Variants in FSIP2 observed in about 807,000 individuals in gnomAD.
The protein encoded by FSIP2 is fibrous sheath-interacting protein 2.
Under a neutral mutation model 510.5 loss-of-function variants are expected in FSIP2, and 367 were observed. That is an observed-to-expected ratio of 0.72 (90% CI 0.66 to 0.78). The LOEUF (loss-of-function observed/expected upper bound fraction) is 0.78, where lower values mean the gene tolerates loss of function less well. Among genes scored for constraint, FSIP2 ranks in the 30% least tolerant of loss-of-function variants. The pLI is 0.00. For synonymous variants in FSIP2, 2,601 were observed against 2,732.2 expected (o/e 0.95, Z 1.50); for missense variants, 7,594 against 7,901.7 (o/e 0.96, Z 1.48).
In FSIP2 at chr2:185,828,144, T is replaced by A. The variant is rs187660620; in HGVS notation, c.20474-12T>A. 2,429 of 1,506,178 alleles carry A rather than the reference T, an allele frequency of 1.6e-3. 13 individuals are homozygous for A. The highest frequency in any genetic ancestry group is 8.4e-3 in the Middle Eastern group (48 of 5,744). The allele number at this position is 1,506,178 out of a possible 1,614,324, so 93.3% of individuals were successfully genotyped here. On this transcript the variant is annotated splice_polypyrimidine_tract_variant and intron_variant, in intron 20 of 22. Coordinates refer to ENST00000424728, the MANE Select transcript of FSIP2 (RefSeq NM_173651.4). Reference sequence around the variant, plus strand: ...AGAGACTATTTTACTTTTTTTTTTTTAATCTCTACAGAAAGTTCTCAGGAA... The same window carrying A: ...AGAGACTATTTTACTTTTTTTTTTTAAATCTCTACAGAAAGTTCTCAGGAA...
At chr2:185,741,829 T>G (rs1019623458) in intron 2 of FSIP2, among the ~76,000 whole-genome samples, 9 of 152,186 alleles carry the variant, frequency 5.9e-5, no homozygotes, top group South Asian at 2.1e-4. Flanking sequence ...CTCATCTACC[T>G]TTTACCCATA....
At chr2:185,823,742 C>T (rs1053260619) in intron 19 of FSIP2, among the ~76,000 whole-genome samples, 1 of 151,636 alleles carries the variant, frequency 6.6e-6, no homozygotes, top group Admixed American at 6.6e-5. Context: ...CTTCTGTGTA[C>T]ATATTCAAAA....
intron 2 of FSIP2, among the ~76,000 whole-genome samples, chr2:185,739,742 TC>T (rs1691884492): frequency 6.6e-6 from 1 of 152,164 alleles, no homozygotes; most frequent in South Asian, 2.1e-4. Flanking sequence ...TAATAAAACT[TC>T]ATATATACTT....
chr2:185,762,058 G>A (rs1377406205), intron 11 of FSIP2, 41 bp downstream of exon 11: 3 of 898,150 alleles, frequency 3.3e-6, no homozygotes, highest in South Asian at 1.5e-5. Flanking sequence ...CTGTTATTAG[G>A]CATGCAATTA....
intron 9 of FSIP2, among the ~76,000 whole-genome samples, chr2:185,757,915 A>G (rs1692273172): frequency 6.6e-6 from 1 of 150,894 alleles, no homozygotes; most frequent in Non-Finnish European, 1.5e-5. Context: ...CATTCCAGAA[A>G]TCTCCCTCAT....
At chr2:185,764,140 T>A (rs1251743880) in intron 12 of FSIP2, among the ~76,000 whole-genome samples, 2 of 151,674 alleles carry the variant, frequency 1.3e-5, no homozygotes, top group Non-Finnish European at 3.0e-5. Flanking sequence ...CTGACCTTTT[T>A]AGGGTAATGT....
In FSIP2 at chr2:185,805,829, C is replaced by T. The variant is rs754976290; in HGVS notation, c.16523C>T (p.Ser5508Leu). Residue 5508 changes from serine to leucine, a missense_variant, in exon 17 of 23, where the codon TCA becomes TTA. By Grantham distance (145) the Ser-to-Leu change is moderately radical. Transcript: ENST00000424728. ...AAAAGCGGCATGATTAACCTAACAT[C>T]AGGGTTGGCTACAGGTGTGACAAAT... is the stretch of plus-strand genomic sequence containing the variant. ...IMKSGMINLT[S>L]GLATGVTNKK... The T allele has an allele frequency of 4.4e-6, 7 of 1,606,422 alleles. No homozygotes were observed. The Admixed American group carries it at 1.0e-4, about 24-fold the overall frequency.
intron 13 of FSIP2, among the ~76,000 whole-genome samples, chr2:185,780,277 A>G (rs1362475975): frequency 1.3e-5 from 2 of 151,488 alleles, no homozygotes; most frequent in South Asian, 2.1e-4. Context: ...CATTTTCGTT[A>G]TTATCTTCTT....
chr2:185,795,083 G>A lies in FSIP2; in HGVS notation c.7947G>A (p.Lys2649=), dbSNP rs1197171565. 3 of 1,534,730 alleles carry A rather than the reference G, an allele frequency of 2.0e-6. No individual in the cohort carries two copies. In the Admixed American group the frequency reaches 5.9e-5, roughly 30 times the overall value. ...CAAATTTTGTCTCACTTCCTTTAAA[G>A]GTGAGCCCTAAGGACAACCCTAAGC... ...KITNFVSLPL[K]VSPKDNPKPC... is the part of the protein sequence containing the mutation. The change falls in exon 16 of 23, where the codon AAG becomes AAA. Residue 2649 remains lysine (K), a synonymous_variant. Transcript: ENST00000424728.
In FSIP2 at chr2:185,766,632, C is replaced by T. The variant is rs1435079417; in HGVS notation, c.1411+2067C>T. 1.8e-3 allele frequency: 276 copies of T among 150,926 alleles called. 2 individuals are homozygous for T. Among genetic ancestry groups the T allele is most frequent in the African/African-American group, 6.5e-3 (267 of 41,218 alleles). 9.3% of individuals were successfully genotyped at this position (150,926 alleles called of 1,614,324 possible). ...ACCACAATGAGATACCATCTCACAC[C>T]AGTTAGAATGGCAAGCATTAAAAAG... On this transcript the variant is annotated intron_variant, in intron 13 of 22. Transcript: ENST00000424728.
rs1693251319 is a variant in FSIP2 at position 185,795,653 on chromosome 2, ATTGT to A, written c.8521_8524del (p.Phe2841ThrfsTer18). 1.3e-6 allele frequency: 2 copies of A among 1,534,378 alleles called. No homozygotes were observed. Among genetic ancestry groups the A allele is most frequent in the Non-Finnish European group, 8.7e-7 (1 of 1,145,722 alleles). ...TTCCTAGAGAAGGTATATTTAAAAA[ATTGT>A]TTGACAAGTGGCAAACAGAATCAAA... On this transcript the variant is annotated frameshift_variant, in exon 16 of 23. Coordinates refer to ENST00000424728, the MANE Select transcript of FSIP2 (RefSeq NM_173651.4). LOFTEE classifies it high-confidence loss of function.
At chr2:185,746,100 A>G (rs11903585) in intron 5 of FSIP2, among the ~76,000 whole-genome samples, 82,674 of 151,772 alleles carry the variant, frequency 0.54, 22,769 homozygotes, top group South Asian at 0.64. Flanking sequence ...CTAGGGATGC[A>G]GTAAGGAATT....
chr2:185,745,124 T>A (rs1000432424), intron 4 of FSIP2: 1 of 177,606 alleles, frequency 5.6e-6, no homozygotes, highest in East Asian at 1.5e-4. Context: ...AAGACTTTAA[T>A]ATATTTCTAA....
chr2:185,754,338 T>G (rs915324471), intron 8 of FSIP2, among the ~76,000 whole-genome samples: 9 of 151,558 alleles, frequency 5.9e-5, no homozygotes, highest in Admixed American at 2.0e-4. Context: ...TTACAATGGG[T>G]TTTTCGCTTC....
chr2:185,798,509 C>T (rs1403324562), intron 16 of FSIP2, among the ~76,000 whole-genome samples: 3 of 151,714 alleles, frequency 2.0e-5, no homozygotes, highest in Non-Finnish European at 2.9e-5. Flanking sequence ...TACTATAATA[C>T]CCCAGATCTA....
At chr2:185,788,594 G>A in intron 15 of FSIP2, 49 bp from the exon 16 acceptor site, 1 of 1,300,772 alleles carries the variant, frequency 7.7e-7, no homozygotes, top group South Asian at 1.6e-5. Flanking sequence ...AAAACATAGA[G>A]TAAGTTGTTA....
In FSIP2 at chr2:185,739,380, C is replaced by T. The variant is rs1404049977; in HGVS notation, c.134C>T (p.Pro45Leu). Residue 45 changes from proline to leucine, a missense_variant, in exon 2 of 23, where the codon CCG becomes CTG. Physicochemically the swap from Pro to Leu is moderately conservative, Grantham distance 98. Coordinates refer to ENST00000424728, the MANE Select transcript of FSIP2 (RefSeq NM_173651.4). ...AAAACCCACTTTGCAGGGGTTGGAC[C>T]GGCTCAGCTACTGGACCTACCTCTC... ...VHKTHFAGVG[P>L]AQLLDLPLGV... 4 of 1,534,390 alleles carry T rather than the reference C, an allele frequency of 2.6e-6. No individual in the cohort carries two copies. The Admixed American group carries it at 7.9e-5, about 30-fold the overall frequency.
intron 19 of FSIP2, among the ~76,000 whole-genome samples, chr2:185,819,714 T>C (rs1025807474): frequency 2.0e-5 from 3 of 151,962 alleles, no homozygotes; most frequent in Non-Finnish European, 4.4e-5. Flanking sequence ...ATGATATTTT[T>C]AATACTTTGT....
chr2:185,792,373 A>C lies in FSIP2; in HGVS notation c.5237A>C (p.Glu1746Ala), dbSNP rs1414562131. ...KIIDERSPQR[E>A]EVKTRSLKQW... ...ATTGATGAGAGATCCCCACAAAGAG[A>C]AGAAGTGAAAACACGTTCTCTTAAA... is the stretch of plus-strand genomic sequence containing the variant. Residue 1746 changes from glutamate (E) to alanine (A), a missense_variant, in exon 16 of 23, where the codon GAA (glutamate) becomes GCA (alanine). Physicochemically the swap from Glu to Ala is moderately radical, Grantham distance 107 (BLOSUM62 -1). Transcript: ENST00000424728. 6.5e-7 allele frequency: 1 copy of C among 1,531,728 alleles called. No individual in the cohort carries two copies. The highest frequency in any genetic ancestry group is 2.0e-5 in the Admixed American group (1 of 50,336). 94.9% of individuals were successfully genotyped at this position (1,531,728 alleles called of 1,614,324 possible).
Sources: gnomAD v4.1 joint callset for allele counts (sites outside exome capture counted in the v4.1 genomes callset) on GRCh38, gnomAD v4.1.1 for gene constraint, MANE v1.5 for transcripts, NCBI Gene and HGNC (gene_info 2026-07-23, HGNC 2026-07-21) for gene names.